SNAP91: variants seen among roughly 807,000 people sequenced by gnomAD.
The protein encoded by SNAP91 is clathrin coat assembly protein AP180.
A neutral mutation model predicts 100.3 loss-of-function variants in SNAP91; 27 were observed. The observed-to-expected ratio is 0.27, with a 90% CI of 0.20 to 0.37. The LOEUF (loss-of-function observed/expected upper bound fraction) is 0.37, where lower values mean the gene tolerates loss of function less well. SNAP91 is among the 10% of genes least tolerant of loss of function. The pLI is 1.00. For synonymous variants in SNAP91, 404 were observed against 398.6 expected, an observed-to-expected ratio of 1.01 and a Z score of -0.16; for missense variants, 986 against 1,123.7, an observed-to-expected ratio of 0.88 and a Z score of 1.75.
chr6:83,604,565 A>G (rs958741407), intron 14 of SNAP91, among the ~76,000 whole-genome samples: 3 of 152,168 alleles, frequency 2.0e-5, no homozygotes, highest in African/African-American at 7.2e-5. Context: ...ATACTGACAC[A>G]CTGTTTAACA....
At chr6:83,602,139 T>G (rs1026800059) in intron 14 of SNAP91, among the ~76,000 whole-genome samples, 1 of 152,268 alleles carries the variant, frequency 6.6e-6, no homozygotes, top group South Asian at 2.1e-4. Context: ...AACACTCTAT[T>G]AGGGAGCCAA....
chr6:83,627,045 T>C (rs1444172694), intron 8 of SNAP91, among the ~76,000 whole-genome samples: 1 of 152,136 alleles, frequency 6.6e-6, no homozygotes, highest in Non-Finnish European at 1.5e-5. Flanking sequence ...GCCTAATTTG[T>C]TGAGGGTTTG....
Position 83,566,473 on chromosome 6 carries a change from T to C in SNAP91, c.2443-5526A>G, listed in dbSNP as rs1301797841. Among the ~76,000 whole-genome samples the C allele has an allele frequency of 2.0e-5, 3 of 152,180 alleles. No individual in the cohort carries two copies. The East Asian group carries it at 5.8e-4, about 29-fold the overall frequency. ...TAGGTGGTAGGCTATTTACCAGACC[T>C]GAATTGCATCATTAGGACTTCAGGC... On this transcript the variant is annotated intron_variant, in intron 26 of 29. Coordinates refer to ENST00000369694, the MANE Select transcript of SNAP91 (RefSeq NM_001242792.2).
At chr6:83,557,013 A>G (rs1779866555) in intron 28 of SNAP91, among the ~76,000 whole-genome samples, 1 of 152,208 alleles carries the variant, frequency 6.6e-6, no homozygotes, top group South Asian at 2.1e-4. Flanking sequence ...ATACTATAGG[A>G]AAGAATCATA....
At chr6:83,555,629 T>C (rs1049827623) in intron 29 of SNAP91, among the ~76,000 whole-genome samples, 6 of 152,202 alleles carry the variant, frequency 3.9e-5, no homozygotes, top group Non-Finnish European at 7.3e-5. Context: ...ATTTCATAAA[T>C]TATATGAAAT....
intron 7 of SNAP91, among the ~76,000 whole-genome samples, chr6:83,649,557 G>T (rs191388016): frequency 6.6e-6 from 1 of 152,098 alleles, no homozygotes; most frequent in Non-Finnish European, 1.5e-5. Flanking sequence ...AAGGTGATAG[G>T]AGTTAGTTCA....
At chr6:83,695,669 T>C (rs1240749418) in intron 2 of SNAP91, among the ~76,000 whole-genome samples, 1 of 152,100 alleles carries the variant, frequency 6.6e-6, no homozygotes, top group Non-Finnish European at 1.5e-5. Flanking sequence ...AGCAATTGAG[T>C]GCTCGCTTCA....
chr6:83,697,143 T>C (rs1159260439), intron 2 of SNAP91, among the ~76,000 whole-genome samples: 1 of 152,182 alleles, frequency 6.6e-6, no homozygotes, highest in Admixed American at 6.5e-5. Flanking sequence ...TAATTAATAG[T>C]ATCACCAATA....
At chr6:83,580,095 T>C (rs1275758707) in intron 24 of SNAP91, among the ~76,000 whole-genome samples, 2 of 152,230 alleles carry the variant, frequency 1.3e-5, no homozygotes, top group Non-Finnish European at 2.9e-5. Flanking sequence ...ATAAAGATAC[T>C]ATACTTCATG....
In SNAP91 at chr6:83,611,204, TC is replaced by T. The variant is rs138530583; in HGVS notation, c.885-528del. On this transcript the variant is annotated intron_variant, in intron 11 of 29. Transcript: ENST00000369694. ...ATATTCATACTCTTGAAGTCTGTTT[TC>T]CCCCCCCATGGCTGTAATAAAAACT... Among the ~76,000 whole-genome samples the T allele has an allele frequency of 4.4e-3, 664 of 151,032 alleles. 4 individuals are homozygous for T. The highest frequency in any genetic ancestry group is 0.015 in the African/African-American group (635 of 41,134).
intron 5 of SNAP91, 91 bp from the exon 6 acceptor site, chr6:83,659,183 C>T (rs2098477360): frequency 2.2e-6 from 2 of 919,648 alleles, no homozygotes; most frequent in Non-Finnish European, 3.3e-6. Flanking sequence ...CCCCACACCA[C>T]CCCATTTCCT....
chr6:83,696,031 C>G (rs1341589074), intron 2 of SNAP91, among the ~76,000 whole-genome samples: 4 of 152,082 alleles, frequency 2.6e-5, no homozygotes, highest in Non-Finnish European at 5.9e-5. Flanking sequence ...TCCAATCAGC[C>G]TCCTATGGAA....
chr6:83,622,955 C>A (rs1475685158), intron 9 of SNAP91, among the ~76,000 whole-genome samples: 2 of 152,036 alleles, frequency 1.3e-5, no homozygotes, highest in Non-Finnish European at 2.9e-5. Context: ...TTCTAATATT[C>A]TGATTATCAG....
chr6:83,681,590 C>T lies in SNAP91; in HGVS notation c.131-16009G>A, dbSNP rs554002548. On this transcript the variant is annotated intron_variant, in intron 2 of 29. Coordinates refer to ENST00000369694, the MANE Select transcript of SNAP91 (RefSeq NM_001242792.2). ...AGCTCAGAAAAAAAAAGTTAGAAAA[C>T]ATCAAGGGAAAAACAAGCAAGAAAA... Among the ~76,000 whole-genome samples the T allele has an allele frequency of 3.9e-4, 59 of 151,840 alleles. No individual in the cohort carries two copies. The South Asian group carries it at 0.012, about 31-fold the overall frequency.
chr6:83,556,704 A>G (rs887431717), intron 28 of SNAP91, among the ~76,000 whole-genome samples: 3 of 152,182 alleles, frequency 2.0e-5, no homozygotes, highest in African/African-American at 7.2e-5. Flanking sequence ...ATACAAAAGC[A>G]TTTTTACTTT....
chr6:83,609,619 G>A (rs1174318053), intron 12 of SNAP91, among the ~76,000 whole-genome samples: 1 of 152,154 alleles, frequency 6.6e-6, no homozygotes, highest in African/African-American at 2.4e-5. Context: ...TTTGTCTGAA[G>A]AATACAATGG....
intron 2 of SNAP91, among the ~76,000 whole-genome samples, chr6:83,672,199 C>G (rs2098797575): frequency 6.6e-6 from 1 of 152,118 alleles, no homozygotes; most frequent in African/African-American, 2.4e-5. Flanking sequence ...TGCCTTCACT[C>G]TATAGAGAGC....
rs898539731 is a variant in SNAP91, at chr6:83,660,740, T to TA, written c.452+761dup. ...GATCAAAGTTCAGATTCACCTCAAT[T>TA]AAAAAAAAAATATTTATATAGCTAT... On this transcript the variant is annotated intron_variant, in intron 5 of 29. Coordinates refer to ENST00000369694, the MANE Select transcript of SNAP91 (RefSeq NM_001242792.2). Among the ~76,000 whole-genome samples the TA allele has an allele frequency of 1.5e-3, 218 of 148,322 alleles. 1 individual carries two copies. Among genetic ancestry groups the TA allele is most frequent in the South Asian group, 2.4e-3 (11 of 4,668 alleles).
chr6:83,562,789 C>T lies in SNAP91; in HGVS notation c.2443-1842G>A, dbSNP rs146135716. Among the ~76,000 whole-genome samples the T allele has an allele frequency of 2.9e-3, 442 of 152,242 alleles. 2 individuals are homozygous for T. The highest frequency in any genetic ancestry group is 0.01 in the African/African-American group (423 of 41,552). On this transcript the variant is annotated intron_variant, in intron 26 of 29. Transcript: ENST00000369694. ...TGTGGGAAACCTGCTTAGGTGATAT[C>T]CTGGACCCCAATAAAGGCCTTGGCC...
Sources: gnomAD v4.1 joint callset for allele counts (sites outside exome capture counted in the v4.1 genomes callset) on GRCh38, gnomAD v4.1.1 for gene constraint, MANE v1.5 for transcripts, NCBI Gene and HGNC (gene_info 2026-07-23, HGNC 2026-07-21) for gene names.